STK25: variants seen among roughly 807,000 people sequenced by gnomAD.
STK25 encodes the protein serine/threonine-protein kinase 25.
In STK25, 29 loss-of-function variants were observed where a neutral mutation model predicts 53.8. That is an observed-to-expected ratio of 0.54 (90% CI 0.40 to 0.74). The LOEUF is 0.74. Ranked by LOEUF, STK25 falls within the 30% of genes least tolerant of loss-of-function variation. The pLI is 0.00. For synonymous variants in STK25, 247 were observed against 238.3 expected (o/e 1.04, Z -0.33); for missense variants, 420 against 568.0 (o/e 0.74, Z 2.65).
At position 241,496,448 on chromosome 2, in the gene STK25, G is replaced by A; in HGVS notation, c.1191C>T (p.Cys397=). ...CCATCAGCTTGTCTGAGATGCCGGGGCAGGACTCCTCGGCCAGGCTGAAGG... is the reference window on the plus strand; with the variant it reads ...CCATCAGCTTGTCTGAGATGCCGGGACAGGACTCCTCGGCCAGGCTGAAGG... The part of the protein sequence containing the change: ...ENAFSLAEES[C]PGISDKLMVH... The change falls in exon 11 of 12, where the codon TGC becomes TGT. Residue 397 remains cysteine (C), a synonymous_variant. Transcript: ENST00000316586. The surrounding 1 kb of genome is among the most constrained non-coding windows in gnomAD (Gnocchi z 5.8). 1.9e-6 allele frequency: 3 copies of A among 1,613,666 alleles called. No homozygotes were observed. Among genetic ancestry groups the A allele is most frequent in the Non-Finnish European group, 2.5e-6 (3 of 1,179,960 alleles).
rs766865812 is a variant in STK25 at position 241,500,735 on chromosome 2, C to T, written c.318+5G>A. ...GACCCCCCACTGCCATGGCCTATGCCTCACCAAGTCCAGTGCTGAGCCGCC... is the reference window on the plus strand; with the variant it reads ...GACCCCCCACTGCCATGGCCTATGCTTCACCAAGTCCAGTGCTGAGCCGCC... On this transcript the variant is annotated splice_donor_5th_base_variant and intron_variant, in intron 4 of 11. Coordinates refer to ENST00000316586, the MANE Select transcript of STK25 (RefSeq NM_001271977.2). 1 of 1,613,844 alleles carries T rather than the reference C, an allele frequency of 6.2e-7. No individual in the cohort carries two copies.
In STK25 at chr2:241,501,386, C is replaced by G; in HGVS notation, c.261+92G>C. 1 of 1,335,766 alleles carries G rather than the reference C, an allele frequency of 7.5e-7. No homozygotes were observed. The allele number at this position is 1,335,766 out of a possible 1,614,324, so 82.7% of individuals were successfully genotyped here. A position where few individuals can be genotyped will look rare whatever the true frequency, so the allele number is the denominator to read the frequency against. On this transcript the variant is annotated intron_variant, in intron 3 of 11. Transcript: ENST00000316586. This position sits in a 1 kb window ranked among gnomAD's most constrained non-coding sequence, Gnocchi z 5.3. ...GCATGCACTGAACCGTCAAGACCGCCTTGCACCCTCTGGCATGTCACTCAG... is the reference window on the plus strand; with the variant it reads ...GCATGCACTGAACCGTCAAGACCGCGTTGCACCCTCTGGCATGTCACTCAG...
Position 241,498,657 on chromosome 2 carries a change from C to T in STK25, c.899G>A (p.Ser300Asn). The T allele has an allele frequency of 6.2e-7, 1 of 1,613,838 alleles. No homozygotes were observed. Among genetic ancestry groups the T allele is most frequent in the Non-Finnish European group, 8.5e-7 (1 of 1,179,886 alleles). ...WKSEGHGEESSSEDSDIDGEA... is the reference protein window; with the variant it reads ...WKSEGHGEESNSEDSDIDGEA... ...TCCCTACATGTCAGAGTCCTCAGAGCTGGACTCCTCGCCATGCCCCTCTGA... is the reference window on the plus strand; with the variant it reads ...TCCCTACATGTCAGAGTCCTCAGAGTTGGACTCCTCGCCATGCCCCTCTGA... Residue 300 changes from serine (S) to asparagine (N), a missense_variant, in exon 8 of 12, where the codon AGC (serine) becomes AAC (asparagine). Physicochemically the swap from Ser to Asn is conservative, Grantham distance 46. Coordinates refer to ENST00000316586, the MANE Select transcript of STK25 (RefSeq NM_001271977.2).
chr2:241,501,066 A>C lies in STK25; in HGVS notation c.262-270T>G, dbSNP rs1398627757. The C allele has an allele frequency of 3.5e-6, 2 of 574,312 alleles. No individual in the cohort carries two copies. The highest frequency in any genetic ancestry group is 6.2e-6 in the Non-Finnish European group (2 of 321,522). The allele number at this position is 574,312 out of a possible 1,614,324, so 35.6% of individuals were successfully genotyped here. Reference sequence around the variant, plus strand: ...CCATCAAAAACCAGGCTGCTGATCCAGTCCTACAGGGCTGGGAAGAGGGCA... The same window carrying C: ...CCATCAAAAACCAGGCTGCTGATCCCGTCCTACAGGGCTGGGAAGAGGGCA... On this transcript the variant is annotated intron_variant, in intron 3 of 11. Transcript: ENST00000316586. This position sits in a 1 kb window ranked among gnomAD's most constrained non-coding sequence, Gnocchi z 5.3.
chr2:241,495,709 G>A lies in STK25; in HGVS notation c.1242-8C>T. The A allele has an allele frequency of 6.2e-7, 1 of 1,614,060 alleles. No homozygotes were observed. Among genetic ancestry groups the A allele is most frequent in the Non-Finnish European group, 8.5e-7 (1 of 1,179,900 alleles). On this transcript the variant is annotated splice_region_variant and splice_polypyrimidine_tract_variant and intron_variant, in intron 11 of 11. Coordinates refer to ENST00000316586, the MANE Select transcript of STK25 (RefSeq NM_001271977.2). ...TTTCTGTTGTGTGAAAACCTGCAGA[G>A]AGAAGAGCCCACTGCTGCGTGCGTG...
intron 1 of STK25, 153 bp from the exon 2 acceptor site, chr2:241,508,288 G>A (rs997654533): frequency 8.8e-5 from 111 of 1,267,218 alleles, no homozygotes; most frequent in Non-Finnish European, 1.1e-4. Context: ...GCTCCCGGGG[G>A]CTCGCCGCCC....
In STK25 at chr2:241,501,403, G is replaced by A. The variant is rs749067319; in HGVS notation, c.261+75C>T. 1.7e-5 allele frequency: 25 copies of A among 1,450,002 alleles called. No individual in the cohort carries two copies. Among genetic ancestry groups the A allele is most frequent in the Non-Finnish European group, 2.3e-5 (24 of 1,047,470 alleles). The allele number at this position is 1,450,002 out of a possible 1,614,324, so 89.8% of individuals were successfully genotyped here. ...AAGACCGCCTTGCACCCTCTGGCAT[G>A]TCACTCAGTCCCTCTGACATGGAAG... is the stretch of plus-strand genomic sequence containing the variant. On this transcript the variant is annotated intron_variant, in intron 3 of 11. Transcript: ENST00000316586. This position sits in a 1 kb window ranked among gnomAD's most constrained non-coding sequence, Gnocchi z 5.3.
rs978879093 is a variant in STK25, at chr2:241,501,607, C to A, written c.132G>T (p.Glu44Asp). 1.9e-6 allele frequency: 3 copies of A among 1,614,028 alleles called. No homozygotes were observed. In the African/African-American group the frequency reaches 4.0e-5, roughly 22 times the overall value. Residue 44 changes from glutamate (E) to aspartate (D), a missense_variant, in exon 3 of 12, where the codon GAG becomes GAT. Physicochemically the swap from Glu to Asp is conservative, Grantham distance 45 (BLOSUM62 2). Coordinates refer to ENST00000316586, the MANE Select transcript of STK25 (RefSeq NM_001271977.2). The surrounding 1 kb of genome is among the most constrained non-coding windows in gnomAD (Gnocchi z 5.3). The part of the protein sequence containing the change: ...VYKGIDNHTK[E>D]VVAIKIIDLE... ...GGTCGATGATCTTGATGGCCACCAC[C>A]TCCTTTGTGTGGTTATCGATGCCCT...
intron 2 of STK25, among the ~76,000 whole-genome samples, chr2:241,505,288 G>A (rs2065759188): frequency 6.6e-6 from 1 of 152,124 alleles, no homozygotes; most frequent in South Asian, 2.1e-4. Flanking sequence ...CTGCTCCACC[G>A]AGCCGTTAGC....
At position 241,493,389 on chromosome 2, in the gene STK25, C is replaced by T. The variant is rs758447251; in HGVS notation, c.*2273G>A. The T allele has an allele frequency of 4.3e-6, 7 of 1,613,870 alleles. No individual in the cohort carries two copies. ...ACACAAAGACTATGTTTTCAAGCTC[C>T]AGTTCAAATCCCACGTCTACTTCTT... On this transcript the variant is annotated 3_prime_UTR_variant, in exon 12 of 12. Coordinates refer to ENST00000316586, the MANE Select transcript of STK25 (RefSeq NM_001271977.2).
At position 241,501,699 on chromosome 2, in the gene STK25, C is replaced by T; in HGVS notation, c.40G>A (p.Val14Met). The T allele has an allele frequency of 6.2e-7, 1 of 1,612,348 alleles. No homozygotes were observed. Among genetic ancestry groups the T allele is most frequent in the Non-Finnish European group, 8.5e-7 (1 of 1,178,924 alleles). Residue 14 changes from valine to methionine, a missense_variant, in exon 3 of 12, where the codon GTG becomes ATG. Transcript: ENST00000316586. The surrounding 1 kb of genome is among the most constrained non-coding windows in gnomAD (Gnocchi z 5.3). The stretch of plus-strand genomic sequence containing the variant: ...TTGGTGAAGAGCTCCTCAGGGTCCA[C>T]TCGAGAGTGCTGTGGGGCCAGGGCG... ...LRGFANQHSR[V>M]DPEELFTKLD...
At position 241,492,730 on chromosome 2, in the gene STK25, C is replaced by A; in HGVS notation, c.*2932G>T. ...AAAGGGAACTCACTTTACTTGGTGCCTGGAATGTCACTCTAGGTTTTTAAC... is the reference window on the plus strand; with the variant it reads ...AAAGGGAACTCACTTTACTTGGTGCATGGAATGTCACTCTAGGTTTTTAAC... On this transcript the variant is annotated 3_prime_UTR_variant, in exon 12 of 12. Coordinates refer to ENST00000316586, the MANE Select transcript of STK25 (RefSeq NM_001271977.2). The A allele has an allele frequency of 1.8e-6, 1 of 543,306 alleles. No homozygotes were observed. The highest frequency in any genetic ancestry group is 3.0e-5 in the East Asian group (1 of 33,826). The allele number at this position is 543,306 out of a possible 1,614,324, so 33.7% of individuals were successfully genotyped here. A position where few individuals can be genotyped will look rare whatever the true frequency, so the allele number is the denominator to read the frequency against.
intron 10 of STK25, 118 bp downstream of exon 10, chr2:241,497,498 G>A: frequency 2.0e-6 from 2 of 1,020,848 alleles, no homozygotes; most frequent in Non-Finnish European, 3.0e-6. Context: ...ACAATCAGCT[G>A]CAGGAAAGCT....
chr2:241,501,786 G>A lies in STK25; in HGVS notation c.31-78C>T. On this transcript the variant is annotated intron_variant, in intron 2 of 11. Transcript: ENST00000316586. This position sits in a 1 kb window ranked among gnomAD's most constrained non-coding sequence, Gnocchi z 5.3. ...GGGGACAGGCAGAGGCTGCCCTGCT[G>A]GGGAGGAAGGGACCTGTAGGGAAGG... 8 of 1,073,280 alleles carry A rather than the reference G, an allele frequency of 7.5e-6. No homozygotes were observed. The highest frequency in any genetic ancestry group is 1.1e-5 in the Non-Finnish European group (8 of 720,476). The allele number at this position is 1,073,280 out of a possible 1,614,324, so 66.5% of individuals were successfully genotyped here.
intron 4 of STK25, 45 bp from the exon 5 acceptor site, chr2:241,500,326 G>C: frequency 7.2e-7 from 1 of 1,397,820 alleles, no homozygotes; most frequent in South Asian, 1.2e-5. Context: ...CCTGTCCCAG[G>C]CCCAATGCCT....
chr2:241,498,390 G>A lies in STK25; in HGVS notation c.918-41C>T, dbSNP rs1361919046. On this transcript the variant is annotated intron_variant, in intron 8 of 11. Coordinates refer to ENST00000316586, the MANE Select transcript of STK25 (RefSeq NM_001271977.2). ...AGTTGCCAGGGCCAGTGGGGAGAGG[G>A]CCAGGAGGCATGAGGGCCTCAGGGC... The A allele has an allele frequency of 7.2e-6, 11 of 1,517,948 alleles. No homozygotes were observed. The South Asian group carries it at 1.2e-4, about 17-fold the overall frequency. 94.0% of individuals were successfully genotyped at this position (1,517,948 alleles called of 1,614,324 possible). A position where few individuals can be genotyped will look rare whatever the true frequency, so the allele number is the denominator to read the frequency against.
rs1265516838 is a variant in STK25 at position 241,501,572 on chromosome 2, G to C, written c.167C>G (p.Ala56Gly). The C allele has an allele frequency of 6.2e-7, 1 of 1,614,128 alleles. No homozygotes were observed. Among genetic ancestry groups the C allele is most frequent in the South Asian group, 1.1e-5 (1 of 91,086 alleles). The change falls in exon 3 of 12, where the codon GCC (alanine) becomes GGC (glycine). Residue 56 changes from alanine to glycine, a missense_variant. By Grantham distance (60) the Ala-to-Gly change is moderately conservative. Transcript: ENST00000316586. The surrounding 1 kb of genome is among the most constrained non-coding windows in gnomAD (Gnocchi z 5.3). Reference sequence around the variant, plus strand: ...CTGGATGTCCTCGATCTCATCCTCGGCCTCCTCCAGGTCGATGATCTTGAT... The same window carrying C: ...CTGGATGTCCTCGATCTCATCCTCGCCCTCCTCCAGGTCGATGATCTTGAT... ...VAIKIIDLEE[A>G]EDEIEDIQQE...
Position 241,493,542 on chromosome 2 carries a change from T to A in STK25, c.*2120A>T. The stretch of plus-strand genomic sequence containing the variant: ...TGGTGGAGGCAAGTTTTCTGGGCCC[T>A]GGAAAGGAAGGGCTGAGCAATGCTT... On this transcript the variant is annotated 3_prime_UTR_variant, in exon 12 of 12. Coordinates refer to ENST00000316586, the MANE Select transcript of STK25 (RefSeq NM_001271977.2). 8.8e-7 allele frequency: 1 copy of A among 1,135,080 alleles called. No homozygotes were observed. Among genetic ancestry groups the A allele is most frequent in the Non-Finnish European group, 1.3e-6 (1 of 762,930 alleles). The allele number at this position is 1,135,080 out of a possible 1,614,324, so 70.3% of individuals were successfully genotyped here. A position where few individuals can be genotyped will look rare whatever the true frequency, so the allele number is the denominator to read the frequency against.
chr2:241,500,877 A>G (rs1004342158), intron 3 of STK25, 81 bp from the exon 4 acceptor site: 7 of 1,453,918 alleles, frequency 4.8e-6, no homozygotes, highest in Non-Finnish European at 5.7e-6. Flanking sequence ...GGCCGGAGTC[A>G]GCCAGGGCCC....
Sources: gnomAD v4.1 joint callset for allele counts (sites outside exome capture counted in the v4.1 genomes callset) on GRCh38, gnomAD v4.1.1 for gene constraint, Gnocchi (gnomAD v3.1) non-coding constraint, MANE v1.5 for transcripts, NCBI Gene and HGNC (gene_info 2026-07-23, HGNC 2026-07-21) for gene names.